Variants in RALYL observed in about 807,000 individuals in gnomAD.
The protein encoded by RALYL is RNA-binding Raly-like protein.
In RALYL, 29 loss-of-function variants were observed where a neutral mutation model predicts 35.1. That is an observed-to-expected ratio of 0.83 (90% CI 0.61 to 1.13). RALYL has a LOEUF of 1.13. RALYL is among the 50% of genes most tolerant of loss of function. The pLI, the probability that RALYL is intolerant of heterozygous loss-of-function variation, is 0.00. For missense variants in RALYL, 359 were observed against 360.4 expected, an observed-to-expected ratio of 1.00 and a Z score of 0.03; for synonymous variants, 120 against 127.6, an observed-to-expected ratio of 0.94 and a Z score of 0.40.
chr8:84,706,125 A>G, intron 2 of RALYL: 1 of 1,434,938 alleles, frequency 7.0e-7, no homozygotes, highest in East Asian at 2.5e-5. Context: ...TGATTTCTTA[A>G]AAGACTAATC....
intron 2 of RALYL, among the ~76,000 whole-genome samples, chr8:84,534,260 T>C (rs2059455831): frequency 6.6e-6 from 1 of 152,228 alleles, no homozygotes; most frequent in African/African-American, 2.4e-5. Context: ...TTCTTCCCTA[T>C]GAAGCTCTGC....
intron 1 of RALYL, among the ~76,000 whole-genome samples, chr8:84,222,990 T>C (rs1822653652): frequency 6.6e-6 from 1 of 152,142 alleles, no homozygotes; most frequent in African/African-American, 2.4e-5. Flanking sequence ...TTAGAGAATA[T>C]GGTGTCTTCA....
At chr8:84,198,875 T>C (rs1053801486) in intron 1 of RALYL, among the ~76,000 whole-genome samples, 2 of 152,188 alleles carry the variant, frequency 1.3e-5, no homozygotes, top group Non-Finnish European at 2.9e-5. Context: ...GTAGATAGTA[T>C]GTTTTCTTTA....
chr8:84,590,707 T>A (rs1564197079), intron 2 of RALYL, among the ~76,000 whole-genome samples: 2 of 152,134 alleles, frequency 1.3e-5, no homozygotes, highest in Non-Finnish European at 2.9e-5. Flanking sequence ...TGTAATGGGG[T>A]GAGTTTTCTT....
At chr8:84,287,713 T>C (rs1262737863) in intron 1 of RALYL, among the ~76,000 whole-genome samples, 2 of 152,180 alleles carry the variant, frequency 1.3e-5, no homozygotes, top group Admixed American at 6.5e-5. Flanking sequence ...ATAGAAATAT[T>C]CAAAGAGAGT....
intron 1 of RALYL, among the ~76,000 whole-genome samples, chr8:84,230,821 C>A (rs1053493866): frequency 6.6e-6 from 1 of 152,108 alleles, no homozygotes; most frequent in Non-Finnish European, 1.5e-5. Flanking sequence ...GAGGAAACAG[C>A]GTCTCATGGG....
At chr8:84,595,699 C>T (rs964490590) in intron 2 of RALYL, among the ~76,000 whole-genome samples, 1 of 151,148 alleles carries the variant, frequency 6.6e-6, no homozygotes, top group African/African-American at 2.4e-5. Context: ...ATAGAAAATC[C>T]ATTTTCTAGC....
chr8:84,520,569 C>G (rs1221470478), intron 1 of RALYL, among the ~76,000 whole-genome samples: 1 of 152,134 alleles, frequency 6.6e-6, no homozygotes, highest in South Asian at 2.1e-4. Context: ...GGGCTCCAGA[C>G]AGGTATCGGT....
intron 4 of RALYL, among the ~76,000 whole-genome samples, chr8:84,811,838 T>C (rs192163151): frequency 1.3e-5 from 2 of 152,348 alleles, no homozygotes; most frequent in Admixed American, 1.3e-4. Flanking sequence ...TTTGCATTTC[T>C]GTGTGTCCAG....
At chr8:84,764,383 C>A (rs1813402919) in intron 2 of RALYL, among the ~76,000 whole-genome samples, 1 of 152,052 alleles carries the variant, frequency 6.6e-6, no homozygotes, top group African/African-American at 2.4e-5. Flanking sequence ...TGCTCCCTGA[C>A]ATTTTAATTT....
At chr8:84,243,576 G>C (rs1194138701) in intron 1 of RALYL, among the ~76,000 whole-genome samples, 1 of 149,300 alleles carries the variant, frequency 6.7e-6, no homozygotes, top group South Asian at 2.1e-4. Flanking sequence ...CAATCTGGGA[G>C]GTATGCATCT....
At chr8:84,454,537 A>G (rs2049914691) in intron 1 of RALYL, among the ~76,000 whole-genome samples, 1 of 152,002 alleles carries the variant, frequency 6.6e-6, no homozygotes, top group Non-Finnish European at 1.5e-5. Context: ...TTTGTGTTCG[A>G]GGTGGGGTCC....
chr8:84,355,477 C>T (rs1851650015), intron 1 of RALYL, among the ~76,000 whole-genome samples: 1 of 150,472 alleles, frequency 6.6e-6, no homozygotes, highest in African/African-American at 2.5e-5. Context: ...CAACATAGCT[C>T]ATGCATAGAT....
At chr8:84,747,420 C>T (rs903726249) in intron 2 of RALYL, among the ~76,000 whole-genome samples, 20 of 151,768 alleles carry the variant, frequency 1.3e-4, no homozygotes, top group African/African-American at 4.6e-4. Flanking sequence ...CTTTGACTAA[C>T]GTTCAAATTA....
chr8:84,670,175 A>C (rs1030217713), intron 2 of RALYL, among the ~76,000 whole-genome samples: 31 of 151,602 alleles, frequency 2.0e-4, no homozygotes, highest in African/African-American at 7.5e-4. Flanking sequence ...CCCACTGATA[A>C]TGGGATCCTG....
chr8:84,616,381 G>A (rs1753321207), intron 2 of RALYL, among the ~76,000 whole-genome samples: 2 of 149,396 alleles, frequency 1.3e-5, no homozygotes, highest in African/African-American at 2.5e-5. Flanking sequence ...TTTTTTGGCT[G>A]CATAAATGTC....
At chr8:84,436,919 A>C (rs1364322668) in intron 1 of RALYL, among the ~76,000 whole-genome samples, 1 of 151,938 alleles carries the variant, frequency 6.6e-6, no homozygotes, top group Non-Finnish European at 1.5e-5. Flanking sequence ...ATATCTGCAG[A>C]TTTCTTACAT....
chr8:84,852,345 TA>T (rs1372385723), intron 5 of RALYL, among the ~76,000 whole-genome samples: 1 of 152,164 alleles, frequency 6.6e-6, no homozygotes, highest in African/African-American at 2.4e-5. Flanking sequence ...AAATATATTT[TA>T]AATATTAAGA....
intron 2 of RALYL, among the ~76,000 whole-genome samples, chr8:84,628,472 T>C (rs766481151): frequency 2.6e-5 from 4 of 152,262 alleles, no homozygotes; most frequent in Non-Finnish European, 4.4e-5. Flanking sequence ...CCTTTGAGGG[T>C]AGACAAACTT....
Sources: gnomAD v4.1 joint callset for allele counts (sites outside exome capture counted in the v4.1 genomes callset) on GRCh38, gnomAD v4.1.1 for gene constraint, MANE v1.5 for transcripts, NCBI Gene and HGNC (gene_info 2026-07-23, HGNC 2026-07-21) for gene names.